CFTR: variants seen among roughly 807,000 people sequenced by gnomAD.
CFTR encodes the protein cystic fibrosis transmembrane conductance regulator.
CFTR carries 181 observed loss-of-function variants against 171.6 expected under a neutral mutation model. The ratio of observed to expected loss-of-function variants is 1.05; its 90% CI spans 0.93 to 1.19. CFTR has a LOEUF of 1.19. CFTR is among the 50% of genes most tolerant of loss of function. The pLI is 0.00. For missense variants in CFTR, 1,968 were observed against 1,734.7 expected (o/e 1.13, Z -2.39); for synonymous variants, 583 against 608.0 (o/e 0.96, Z 0.60).
chr7:117,567,954 G>A (rs1414651531), intron 11 of CFTR, among the ~76,000 whole-genome samples: 1 of 152,190 alleles, frequency 6.6e-6, no homozygotes, highest in African/African-American at 2.4e-5. Flanking sequence ...TGACATTTAA[G>A]CTGAGAGAGG....
intron 3 of CFTR, among the ~76,000 whole-genome samples, chr7:117,516,903 A>C (rs1489786776): frequency 2.0e-5 from 3 of 152,050 alleles, no homozygotes; most frequent in Non-Finnish European, 4.4e-5. Context: ...CTTCATCTCA[A>C]TTTCATTATT....
intron 21 of CFTR, among the ~76,000 whole-genome samples, chr7:117,618,349 C>T (rs1365983443): frequency 2.0e-5 from 3 of 151,942 alleles, no homozygotes; most frequent in East Asian, 1.9e-4. Context: ...ATTACCTGGC[C>T]GTGGTGGCAT....
In CFTR at chr7:117,627,703, C is replaced by T. The variant is rs749662161; in HGVS notation, c.3650C>T (p.Ala1217Val). 6.2e-6 allele frequency: 10 copies of T among 1,613,162 alleles called. No homozygotes were observed. The Admixed American group carries it at 1.3e-4, about 22-fold the overall frequency. ...GGQMTVKDLTAKYTEGGNAIL... is the reference protein window; with the variant it reads ...GGQMTVKDLTVKYTEGGNAIL... ...CAAATGACTGTCAAAGATCTCACAG[C>T]AAAATACACAGAAGGTGGAAATGCC... The change falls in exon 22 of 27, where the codon GCA becomes GTA. Residue 1217 changes from alanine to valine, a missense_variant. Physicochemically the swap from Ala to Val is moderately conservative, Grantham distance 64. Transcript: ENST00000003084.
At chr7:117,499,298 G>T (rs1037236557) in intron 1 of CFTR, among the ~76,000 whole-genome samples, 1 of 151,846 alleles carries the variant, frequency 6.6e-6, no homozygotes, top group Non-Finnish European at 1.5e-5. Flanking sequence ...ACTTTAGGAG[G>T]ATATGTTATG....
At chr7:117,553,287 T>C (rs1048628927) in intron 10 of CFTR, among the ~76,000 whole-genome samples, 4 of 152,180 alleles carry the variant, frequency 2.6e-5, no homozygotes, top group Non-Finnish European at 5.9e-5. Flanking sequence ...TTCTATCATA[T>C]GGATGGATAT....
Position 117,509,067 on chromosome 7 carries a change from T to G in CFTR, c.198T>G (p.Asn66Lys). The G allele has an allele frequency of 2.5e-6, 4 of 1,613,070 alleles. No individual in the cohort carries two copies. The South Asian group carries it at 4.4e-5, about 18-fold the overall frequency. Residue 66 changes from asparagine (N) to lysine (K), a missense_variant, in exon 3 of 27, where the codon AAT becomes AAG. Transcript: ENST00000003084. ...ATAGAGAGCTGGCTTCAAAGAAAAA[T>G]CCTAAACTCATTAATGCCCTTCGGC... Reference protein sequence around the residue: ...EWDRELASKKNPKLINALRRC... With the variant: ...EWDRELASKKKPKLINALRRC...
intron 7 of CFTR, among the ~76,000 whole-genome samples, chr7:117,539,284 A>G (rs542527362): frequency 9.2e-5 from 14 of 152,294 alleles, no homozygotes; most frequent in Admixed American, 5.2e-4. Context: ...TTCCATTTGC[A>G]TTTCAGACTA....
intron 10 of CFTR, among the ~76,000 whole-genome samples, chr7:117,557,669 T>G (rs754922924): frequency 1.1e-4 from 16 of 152,098 alleles, no homozygotes; most frequent in Non-Finnish European, 2.1e-4. Flanking sequence ...AACATGAAAA[T>G]TATAGTCCTT....
rs1797976459 is a variant in CFTR at position 117,480,088 on chromosome 7, A to T, written c.-7A>T. 1 of 1,613,928 alleles carries T rather than the reference A, an allele frequency of 6.2e-7. No individual in the cohort carries two copies. Among genetic ancestry groups the T allele is most frequent in the Non-Finnish European group, 8.5e-7 (1 of 1,179,946 alleles). ...GCCCTAGCAGGGACCCCAGCGCCCG[A>T]GAGACCATGCAGAGGTCGCCTCTGG... On this transcript the variant is annotated 5_prime_UTR_variant, in exon 1 of 27. Coordinates refer to ENST00000003084, the MANE Select transcript of CFTR (RefSeq NM_000492.4).
intron 1 of CFTR, among the ~76,000 whole-genome samples, chr7:117,501,624 G>A (rs959146874): frequency 2.7e-5 from 4 of 150,780 alleles, no homozygotes; most frequent in African/African-American, 9.7e-5. Context: ...GTGCATGCCT[G>A]TAATCCCAGC....
chr7:117,662,373 G>A (rs1017719404), intron 24 of CFTR, among the ~76,000 whole-genome samples: 3 of 152,174 alleles, frequency 2.0e-5, no homozygotes, highest in Non-Finnish European at 4.4e-5. Flanking sequence ...ACAGTCTAAC[G>A]AGGGAACTTG....
chr7:117,575,467 C>T (rs2115984590), intron 11 of CFTR, among the ~76,000 whole-genome samples: 1 of 152,124 alleles, frequency 6.6e-6, no homozygotes, highest in South Asian at 2.1e-4. Flanking sequence ...AGAGGCCTTG[C>T]TAGAGGGAAT....
chr7:117,591,934 C>A lies in CFTR; in HGVS notation c.1767C>A (p.Ser589Arg). 1 of 1,559,362 alleles carries A rather than the reference C, an allele frequency of 6.4e-7. No homozygotes were observed. The highest frequency in any genetic ancestry group is 8.7e-7 in the Non-Finnish European group (1 of 1,145,822). The change falls in exon 14 of 27, where the codon AGC (serine) becomes AGA (arginine). Residue 589 changes from serine to arginine, a missense_variant and splice_region_variant. Coordinates refer to ENST00000003084, the MANE Select transcript of CFTR (RefSeq NM_000492.4). ...DVLTEKEIFE[S>R]CVCKLMANKT... ...ATTTATATGTTTTTATATCTTAAAG[C>A]TGTGTCTGTAAACTGATGGCTAACA...
At chr7:117,627,376 CT>C in intron 21 of CFTR, 145 bp from the exon 22 acceptor site, 1 of 812,772 alleles carries the variant, frequency 1.2e-6, no homozygotes, top group Non-Finnish European at 2.0e-6. Flanking sequence ...CAATTATTTC[CT>C]GTTAGTTCAT....
At chr7:117,520,839 T>A (rs1328552881) in intron 3 of CFTR, among the ~76,000 whole-genome samples, 1 of 151,980 alleles carries the variant, frequency 6.6e-6, no homozygotes, top group Non-Finnish European at 1.5e-5. Flanking sequence ...ATTAGGATTG[T>A]TGCAAAAATT....
chr7:117,556,217 A>G (rs997106075), intron 10 of CFTR, among the ~76,000 whole-genome samples: 13 of 151,876 alleles, frequency 8.6e-5, no homozygotes. Context: ...GGCACGCACA[A>G]CCACACTCAG....
intron 11 of CFTR, among the ~76,000 whole-genome samples, chr7:117,575,127 A>G (rs992726159): frequency 1.3e-5 from 2 of 152,160 alleles, no homozygotes; most frequent in African/African-American, 4.8e-5. Context: ...TTGTGTAGTC[A>G]TATGATACAT....
chr7:117,505,437 T>C (rs1156425735), intron 2 of CFTR, among the ~76,000 whole-genome samples: 4 of 152,160 alleles, frequency 2.6e-5, no homozygotes, highest in Non-Finnish European at 5.9e-5. Flanking sequence ...AGGAACTCAA[T>C]GGGACCAAGG....
At chr7:117,582,183 C>T (rs1048017037) in intron 11 of CFTR, among the ~76,000 whole-genome samples, 3 of 152,060 alleles carry the variant, frequency 2.0e-5, no homozygotes, top group South Asian at 2.1e-4. Flanking sequence ...CTTTATGAAA[C>T]ATAAACTATT....
Sources: gnomAD v4.1 joint callset for allele counts (sites outside exome capture counted in the v4.1 genomes callset) on GRCh38, gnomAD v4.1.1 for gene constraint, MANE v1.5 for transcripts, NCBI Gene and HGNC (gene_info 2026-07-23, HGNC 2026-07-21) for gene names.